Variants in PACRG observed in about 807,000 individuals in gnomAD.
PACRG encodes parkin coregulated gene protein.
A neutral mutation model predicts 29.7 loss-of-function variants in PACRG; 29 were observed. The observed-to-expected ratio is 0.98, with a 90% CI of 0.73 to 1.33. The LOEUF is 1.33. Ranked by LOEUF, PACRG falls within the 40% of genes most tolerant of loss-of-function variation. PACRG has a pLI of 0.00. For synonymous variants in PACRG, 116 were observed against 118.7 expected (o/e 0.98, Z 0.15); for missense variants, 279 against 316.2 (o/e 0.88, Z 0.89).
intron 4 of PACRG, among the ~76,000 whole-genome samples, chr6:163,181,514 T>G (rs1477858589): frequency 2.1e-5 from 3 of 143,246 alleles, no homozygotes; most frequent in African/African-American, 7.8e-5. Flanking sequence ...CCCCTCCCCC[T>G]TCCAAGGACA....
At chr6:162,849,818 C>T (rs1265432355) in intron 2 of PACRG, among the ~76,000 whole-genome samples, 2 of 152,136 alleles carry the variant, frequency 1.3e-5, no homozygotes, top group Non-Finnish European at 2.9e-5. Flanking sequence ...ATGCTGTTTG[C>T]CATTTGACAG....
intron 2 of PACRG, among the ~76,000 whole-genome samples, chr6:162,943,360 G>A (rs1282195528): frequency 1.3e-5 from 2 of 152,150 alleles, no homozygotes; most frequent in East Asian, 3.9e-4. Flanking sequence ...CCAGCCCTTG[G>A]CAGCACTCTC....
At chr6:162,847,008 T>C (rs752744558) in intron 2 of PACRG, among the ~76,000 whole-genome samples, 3 of 137,194 alleles carry the variant, frequency 2.2e-5, no homozygotes, top group Non-Finnish European at 4.9e-5. Context: ...CTCCCCACAC[T>C]GTGATGCCCC....
rs560384503 is a variant in PACRG, at chr6:163,258,431, G to A, written c.614-56396G>A. 2.0e-5 allele frequency among the ~76,000 whole-genome samples: 3 copies of A among 151,912 alleles called. No homozygotes were observed. In the South Asian group the frequency reaches 6.3e-4, roughly 32 times the overall value. On this transcript the variant is annotated intron_variant, in intron 4 of 4. Transcript: ENST00000366888. ...TTTCTTTGCTTATTTTTATGATTAG[G>A]GATCTGCTTGATTTGGGTGACATCC...
At chr6:163,313,561 G>A (rs80340083) in intron 4 of PACRG, among the ~76,000 whole-genome samples, 2,174 of 152,230 alleles carry the variant, frequency 0.014, 27 homozygotes, top group Middle Eastern at 0.051. Flanking sequence ...ATAAAAGGTT[G>A]GAAACACCAT....
chr6:162,956,327 G>A (rs561036915), intron 2 of PACRG, among the ~76,000 whole-genome samples: 11 of 152,102 alleles, frequency 7.2e-5, no homozygotes, highest in African/African-American at 1.2e-4. Context: ...GTTAGTCTAC[G>A]GTGACAGTTT....
chr6:163,237,289 T>C (rs545887913), intron 4 of PACRG, among the ~76,000 whole-genome samples: 9 of 152,350 alleles, frequency 5.9e-5, no homozygotes, highest in African/African-American at 2.2e-4. Flanking sequence ...GTATAACTTT[T>C]GGTCACGTGA....
intron 1 of PACRG, among the ~76,000 whole-genome samples, chr6:162,795,660 T>C (rs1514340): frequency 0.54 from 82,433 of 152,020 alleles, 23,652 homozygotes; most frequent in African/African-American, 0.74. Context: ...GATAGTATTA[T>C]GTTTATAAAT....
intron 2 of PACRG, among the ~76,000 whole-genome samples, chr6:162,928,022 G>A (rs1414746757): frequency 1.3e-5 from 2 of 152,000 alleles, no homozygotes; most frequent in Non-Finnish European, 2.9e-5. Flanking sequence ...TTTGGTATGA[G>A]GGTAATGCTG....
intron 3 of PACRG, among the ~76,000 whole-genome samples, chr6:163,080,512 G>A (rs1472521167): frequency 6.6e-6 from 1 of 152,170 alleles, no homozygotes. Flanking sequence ...GACGCTTCAG[G>A]TTTCATTCTC....
chr6:162,866,333 C>T (rs1269330958), intron 2 of PACRG, among the ~76,000 whole-genome samples: 1 of 152,186 alleles, frequency 6.6e-6, no homozygotes, highest in African/African-American at 2.4e-5. Context: ...CCGGTCTTTA[C>T]CAACTAATCT....
chr6:162,968,017 T>C (rs1801194931), intron 2 of PACRG, among the ~76,000 whole-genome samples: 2 of 152,210 alleles, frequency 1.3e-5, no homozygotes, highest in African/African-American at 2.4e-5. Flanking sequence ...AATATTTTTG[T>C]TCAGCTAACA....
At chr6:162,927,324 A>G (rs1420500707) in intron 2 of PACRG, among the ~76,000 whole-genome samples, 1 of 152,194 alleles carries the variant, frequency 6.6e-6, no homozygotes, top group African/African-American at 2.4e-5. Context: ...AGGAATATAA[A>G]TAATTATATT....
chr6:162,883,002 G>T (rs1794027995), intron 2 of PACRG, among the ~76,000 whole-genome samples: 1 of 152,186 alleles, frequency 6.6e-6, no homozygotes, highest in South Asian at 2.1e-4. Flanking sequence ...ACCCTCACTG[G>T]CAGGGGCACC....
intron 2 of PACRG, among the ~76,000 whole-genome samples, chr6:162,947,666 A>C (rs1410616133): frequency 7.9e-6 from 1 of 126,568 alleles, no homozygotes; most frequent in Non-Finnish European, 1.6e-5. Flanking sequence ...AGATTCCACC[A>C]AAAATCTCCT....
At chr6:163,121,135 G>A (rs1269257916) in intron 4 of PACRG, among the ~76,000 whole-genome samples, 4 of 152,082 alleles carry the variant, frequency 2.6e-5, no homozygotes, top group African/African-American at 9.7e-5. Context: ...CCTGAAATAT[G>A]GTTTGAGGGT....
chr6:163,086,586 G>A (rs1440869720), intron 3 of PACRG, among the ~76,000 whole-genome samples: 1 of 152,050 alleles, frequency 6.6e-6, no homozygotes, highest in African/African-American at 2.4e-5. Flanking sequence ...AAGTTGTAGG[G>A]GGCTCTGAAG....
At chr6:162,941,594 G>A (rs1487767156) in intron 2 of PACRG, among the ~76,000 whole-genome samples, 1 of 152,166 alleles carries the variant, frequency 6.6e-6, no homozygotes, top group Non-Finnish European at 1.5e-5. Context: ...CATTGTTGCT[G>A]TTGGTTTTGC....
intron 4 of PACRG, among the ~76,000 whole-genome samples, chr6:163,289,333 C>T (rs182819612): frequency 7.8e-4 from 118 of 152,234 alleles, no homozygotes; most frequent in Non-Finnish European, 1.1e-3. Context: ...TTTCACGATG[C>T]GGTTCCTTTT....
Sources: gnomAD v4.1 joint callset for allele counts (sites outside exome capture counted in the v4.1 genomes callset) on GRCh38, gnomAD v4.1.1 for gene constraint, MANE v1.5 for transcripts, NCBI Gene and HGNC (gene_info 2026-07-23, HGNC 2026-07-21) for gene names.